Variants in FRAS1 observed in about 807,000 individuals in gnomAD.
FRAS1 encodes the protein Fraser extracellular matrix complex subunit 1.
FRAS1 carries 290 observed loss-of-function variants against 435.2 expected under a neutral mutation model. The observed-to-expected ratio is 0.67, with a 90% CI of 0.61 to 0.73. FRAS1 has a LOEUF of 0.73. Ranked by LOEUF, FRAS1 falls within the 30% of genes least tolerant of loss-of-function variation. FRAS1 has a pLI of 0.00. For missense variants in FRAS1, 4,860 were observed against 5,001.5 expected, an observed-to-expected ratio of 0.97 and a Z score of 0.85; for synonymous variants, 1,800 against 1,851.0, an observed-to-expected ratio of 0.97 and a Z score of 0.71.
intron 18 of FRAS1, among the ~76,000 whole-genome samples, chr4:78,322,635 T>G (rs1729555654): frequency 6.6e-6 from 1 of 152,132 alleles, no homozygotes; most frequent in African/African-American, 2.4e-5. Context: ...CAGTTTTTAC[T>G]TTGAGCCACA....
intron 29 of FRAS1, among the ~76,000 whole-genome samples, chr4:78,393,023 T>TA (rs1294591927): frequency 7.1e-4 from 100 of 140,768 alleles, no homozygotes; most frequent in African/African-American, 2.5e-3. Flanking sequence ...TTTTTTTTTT[T>TA]AAAAAAAACC....
chr4:78,149,255 A>G (rs1712033539), intron 2 of FRAS1, among the ~76,000 whole-genome samples: 1 of 152,194 alleles, frequency 6.6e-6, no homozygotes, highest in Admixed American at 6.5e-5. Context: ...GTGAATGTGC[A>G]GTGGGCTTAA....
chr4:78,255,414 A>C, intron 6 of FRAS1, 39 bp downstream of exon 6: 1 of 1,541,350 alleles, frequency 6.5e-7, no homozygotes, highest in Non-Finnish European at 8.8e-7. Flanking sequence ...TTCACGGGCT[A>C]TTGAAGAACT....
intron 9 of FRAS1, among the ~76,000 whole-genome samples, chr4:78,273,270 T>A (rs1217040037): frequency 6.6e-6 from 1 of 152,214 alleles, no homozygotes; most frequent in African/African-American, 2.4e-5. Flanking sequence ...TAGGGACAAT[T>A]TGACTTCCTC....
At chr4:78,236,564 A>G (rs1017899676) in intron 2 of FRAS1, among the ~76,000 whole-genome samples, 2 of 152,198 alleles carry the variant, frequency 1.3e-5, no homozygotes, top group African/African-American at 4.8e-5. Context: ...CTCTGGGAAA[A>G]TGAATCTCAG....
intron 2 of FRAS1, among the ~76,000 whole-genome samples, chr4:78,140,724 T>TATACGC (rs1720139695): frequency 4.7e-5 from 7 of 148,708 alleles, no homozygotes; most frequent in African/African-American, 1.8e-4. Flanking sequence ...TGTGTATATG[T>TATACGC]ATATACGTGT....
intron 20 of FRAS1, among the ~76,000 whole-genome samples, chr4:78,339,822 G>C (rs1021291431): frequency 6.6e-6 from 1 of 152,202 alleles, no homozygotes; most frequent in African/African-American, 2.4e-5. Flanking sequence ...GTTTTGGAGA[G>C]GACTGTAGCT....
At chr4:78,330,733 T>C (rs4382066) in intron 18 of FRAS1, among the ~76,000 whole-genome samples, 6,662 of 152,252 alleles carry the variant, frequency 0.044, 398 homozygotes, top group African/African-American at 0.14. Flanking sequence ...ACTGGTTGAT[T>C]GCAAAACCCT....
chr4:78,473,681 T>C (rs1322050815), intron 53 of FRAS1, 84 bp downstream of exon 53: 1 of 1,008,336 alleles, frequency 9.9e-7, no homozygotes, highest in Non-Finnish European at 1.4e-6. Flanking sequence ...GGGGGGCAGC[T>C]CTAGTCACCT....
chr4:78,123,130 A>T (rs1719124691), intron 2 of FRAS1, among the ~76,000 whole-genome samples: 2 of 152,062 alleles, frequency 1.3e-5, no homozygotes, highest in Non-Finnish European at 2.9e-5. Context: ...TAAGTCTTTG[A>T]TCCATGTTCA....
chr4:78,060,330 C>T (rs1739700315), intron 1 of FRAS1, among the ~76,000 whole-genome samples: 1 of 152,098 alleles, frequency 6.6e-6, no homozygotes, highest in Non-Finnish European at 1.5e-5. Context: ...TTATTATCAG[C>T]CTAGAGAATA....
chr4:78,204,708 T>C (rs752987219), intron 2 of FRAS1, among the ~76,000 whole-genome samples: 2 of 152,204 alleles, frequency 1.3e-5, no homozygotes, highest in Admixed American at 6.5e-5. Context: ...ACCATTTACA[T>C]TGACTAACTC....
At chr4:78,112,945 T>C (rs1742841375) in intron 2 of FRAS1, among the ~76,000 whole-genome samples, 1 of 152,134 alleles carries the variant, frequency 6.6e-6, no homozygotes, top group Non-Finnish European at 1.5e-5. Context: ...TCATTTAACA[T>C]TAGGTATATC....
At chr4:78,256,058 A>G (rs1725780033) in intron 6 of FRAS1, among the ~76,000 whole-genome samples, 1 of 152,230 alleles carries the variant, frequency 6.6e-6, no homozygotes, top group South Asian at 2.1e-4. Flanking sequence ...GTCAAAAAAT[A>G]GCTCATTTTT....
Position 78,441,813 on chromosome 4 carries a change from T to A in FRAS1, c.5665+516T>A, listed in dbSNP as rs551760425. The stretch of plus-strand genomic sequence containing the variant: ...CTCAGCTCCTTCTACATATATGATA[T>A]GAATTAAAATGCAAGCTTGTCTATC... On this transcript the variant is annotated intron_variant, in intron 41 of 73. Coordinates refer to ENST00000512123, the MANE Select transcript of FRAS1 (RefSeq NM_025074.7). 1.3e-5 allele frequency among the ~76,000 whole-genome samples: 2 copies of A among 152,274 alleles called. 1 individual carries two copies. The highest frequency in any genetic ancestry group is 4.2e-4 in the South Asian group (2 of 4,816).
chr4:78,184,093 G>A (rs1289379428), intron 2 of FRAS1, among the ~76,000 whole-genome samples: 2 of 152,144 alleles, frequency 1.3e-5, no homozygotes, highest in Non-Finnish European at 2.9e-5. Context: ...ACACACTAGA[G>A]TTTGAGAAAC....
chr4:78,489,286 A>G (rs1267585659), intron 59 of FRAS1, among the ~76,000 whole-genome samples: 2 of 152,222 alleles, frequency 1.3e-5, no homozygotes, highest in Non-Finnish European at 2.9e-5. Context: ...CTTAACTACT[A>G]ATAACCTACT....
intron 68 of FRAS1, among the ~76,000 whole-genome samples, chr4:78,522,439 G>T (rs1394266483): frequency 6.6e-6 from 1 of 152,088 alleles, no homozygotes; most frequent in East Asian, 1.9e-4. Context: ...CTATGACTAT[G>T]ATGACCATCA....
chr4:78,100,200 A>G (rs552237814), intron 2 of FRAS1, among the ~76,000 whole-genome samples: 1 of 152,230 alleles, frequency 6.6e-6, no homozygotes, highest in Non-Finnish European at 1.5e-5. Context: ...GGAATCAGAC[A>G]TAGTCACTCT....
Sources: allele counts gnomAD v4.1 joint callset (sites outside exome capture counted in the v4.1 genomes callset), GRCh38; gene constraint gnomAD v4.1.1; transcripts MANE v1.5; gene names NCBI Gene and HGNC (gene_info 2026-07-23, HGNC 2026-07-21).